Variants in PHC2 observed in about 807,000 individuals in gnomAD.
PHC2 encodes the protein polyhomeotic homolog 2, also known as polyhomeotic-like protein 2.
In PHC2, 29 loss-of-function variants were observed where a neutral mutation model predicts 87.4. The observed-to-expected ratio is 0.33, with a 90% CI of 0.25 to 0.45. The LOEUF (loss-of-function observed/expected upper bound fraction) is 0.45, where lower values mean the gene tolerates loss of function less well. PHC2 is among the 20% of genes least tolerant of loss of function. The probability of loss-of-function intolerance (pLI) is 1.00; values close to 1 mark genes in which losing one functional copy is unlikely to be tolerated. For missense variants in PHC2, 857 were observed against 1,136.7 expected, an observed-to-expected ratio of 0.75 and a Z score of 3.54; for synonymous variants, 438 against 461.7, an observed-to-expected ratio of 0.95 and a Z score of 0.66.
At chr1:33,374,983 A>C (rs1032655538) in intron 2 of PHC2, among the ~76,000 whole-genome samples, 7 of 152,176 alleles carry the variant, frequency 4.6e-5, no homozygotes, top group African/African-American at 1.7e-4. Flanking sequence ...AGAAGGTAAA[A>C]AGCTGCAATG....
intron 9 of PHC2, among the ~76,000 whole-genome samples, chr1:33,338,872 C>T (rs966926260): frequency 1.3e-5 from 2 of 151,778 alleles, no homozygotes; most frequent in Non-Finnish European, 2.9e-5. Flanking sequence ...AGCTAGGCTT[C>T]GGTGGGGGAA....
chr1:33,379,309 A>ACCCCCCCC (rs1219419722), intron 1 of PHC2, among the ~76,000 whole-genome samples: 2 of 18,268 alleles, frequency 1.1e-4, no homozygotes, highest in African/African-American at 4.3e-4. Context: ...CTGCCCCCCC[A>ACCCCCCCC]CCCCCCCACT....
intron 9 of PHC2, chr1:33,336,880 G>GA (rs745344039): frequency 3.3e-5 from 5 of 152,160 alleles, no homozygotes; most frequent in Non-Finnish European, 5.9e-5. Flanking sequence ...TGAGAACGTA[G>GA]AAAAAACCCC....
chr1:33,335,152 G>A (rs1646596296), intron 9 of PHC2: 2 of 981,320 alleles, frequency 2.0e-6, no homozygotes, highest in Non-Finnish European at 1.2e-6. Flanking sequence ...GCTCCAGAAA[G>A]TGAGATTACA....
intron 1 of PHC2, among the ~76,000 whole-genome samples, chr1:33,412,863 T>C (rs1557847800): frequency 1.3e-5 from 2 of 152,162 alleles, no homozygotes; most frequent in Admixed American, 1.3e-4. Context: ...GCCCAATTAG[T>C]CACAAGCCAA....
chr1:33,388,335 T>C (rs567934452), intron 1 of PHC2, among the ~76,000 whole-genome samples: 122 of 151,668 alleles, frequency 8.0e-4, no homozygotes, highest in South Asian at 1.5e-3. Flanking sequence ...TTTTTTTTTT[T>C]TTTTTTAGAC....
intron 1 of PHC2, among the ~76,000 whole-genome samples, chr1:33,417,218 G>A (rs528068883): frequency 6.6e-6 from 1 of 151,884 alleles, no homozygotes; most frequent in South Asian, 2.1e-4. Flanking sequence ...AAAAAAAAGA[G>A]AAAAAAAGGA....
At chr1:33,333,932 C>A in intron 10 of PHC2, 158 bp downstream of exon 10, 1 of 669,090 alleles carries the variant, frequency 1.5e-6, no homozygotes, top group South Asian at 1.9e-5. Context: ...GAAAGATAAT[C>A]CTAGAAAGAA....
intron 1 of PHC2, among the ~76,000 whole-genome samples, chr1:33,417,153 A>G (rs1203353456): frequency 6.6e-6 from 1 of 152,050 alleles, no homozygotes; most frequent in Non-Finnish European, 1.5e-5. Context: ...ATAATGCAAT[A>G]ACAAGGACAA....
intron 1 of PHC2, among the ~76,000 whole-genome samples, chr1:33,395,568 G>C (rs1341332867): frequency 6.6e-6 from 1 of 152,180 alleles, no homozygotes; most frequent in African/African-American, 2.4e-5. Context: ...ATTAAGAAAA[G>C]ATGAACTGAT....
chr1:33,402,684 A>C (rs868400272), intron 1 of PHC2, among the ~76,000 whole-genome samples: 14 of 152,372 alleles, frequency 9.2e-5, no homozygotes, highest in African/African-American at 2.4e-4. Flanking sequence ...TGAACAAAAG[A>C]AGCAAGACTC....
intron 14 of PHC2, 132 bp downstream of exon 14, chr1:33,328,738 A>T: frequency 1.3e-6 from 1 of 773,186 alleles, no homozygotes; most frequent in Non-Finnish European, 2.1e-6. Context: ...AGCTCATCTC[A>T]CTCATTTCTG....
At chr1:33,373,276 C>T (rs567687857) in intron 2 of PHC2, among the ~76,000 whole-genome samples, 1 of 152,248 alleles carries the variant, frequency 6.6e-6, no homozygotes, top group South Asian at 2.1e-4. Context: ...CGCCACCACA[C>T]CTGGCTAATT....
chr1:33,330,015 G>GA lies in PHC2; in HGVS notation c.2148+55dup, dbSNP rs760852843. 4.7e-4 allele frequency: 754 copies of GA among 1,594,102 alleles called. 1 individual carries two copies. Among genetic ancestry groups the GA allele is most frequent in the Non-Finnish European group, 5.6e-4 (654 of 1,168,288 alleles). ...GGGGACCGTGGTGTCGAGGGCCATG[G>GA]AAGGGAAGCTGTGGGGACTGTGGGG... On this transcript the variant is annotated intron_variant, in intron 13 of 14. Coordinates refer to ENST00000683057, the MANE Select transcript of PHC2 (RefSeq NM_001385109.1).
chr1:33,402,599 A>T (rs1310056207), intron 1 of PHC2, among the ~76,000 whole-genome samples: 1 of 152,222 alleles, frequency 6.6e-6, no homozygotes, highest in Non-Finnish European at 1.5e-5. Context: ...TGTTAATTCA[A>T]TGGAATGCTA....
chr1:33,329,926 G>T, intron 13 of PHC2, 145 bp downstream of exon 13: 1 of 848,236 alleles, frequency 1.2e-6, no homozygotes, highest in African/African-American at 1.7e-5. Flanking sequence ...GGTGCAGAAG[G>T]CTCGACTGGA....
At chr1:33,359,150 ATT>A (rs1647148835) in intron 7 of PHC2, 1 of 152,236 alleles carries the variant, frequency 6.6e-6, no homozygotes, top group African/African-American at 2.4e-5. Flanking sequence ...TATGTGAGAC[ATT>A]TGTTTCCTCC....
chr1:33,419,356 TCA>T (rs1332880198), intron 1 of PHC2, among the ~76,000 whole-genome samples: 1 of 152,194 alleles, frequency 6.6e-6, no homozygotes, highest in African/African-American at 2.4e-5. Flanking sequence ...ACTTATTCTC[TCA>T]CAGTTCTGGA....
In PHC2 at chr1:33,324,612, G is replaced by A. The variant is rs1312638829; in HGVS notation, c.*253C>T. 4 of 402,028 alleles carry A rather than the reference G, an allele frequency of 9.9e-6. No individual in the cohort carries two copies. The highest frequency in any genetic ancestry group is 2.0e-5 in the African/African-American group (1 of 49,406). The allele number at this position is 402,028 out of a possible 1,614,324, so 24.9% of individuals were successfully genotyped here. A position where few individuals can be genotyped will look rare whatever the true frequency, so the allele number is the denominator to read the frequency against. ...GGGGCTAGAGTATTGGGACTTTGGA[G>A]GAAGCCAGTGCTATCAATATTTACA... On this transcript the variant is annotated 3_prime_UTR_variant, in exon 15 of 15. Transcript: ENST00000683057.
Sources: gnomAD v4.1 joint callset for allele counts (sites outside exome capture counted in the v4.1 genomes callset) on GRCh38, gnomAD v4.1.1 for gene constraint, MANE v1.5 for transcripts, NCBI Gene and HGNC (gene_info 2026-07-23, HGNC 2026-07-21) for gene names.